Variants in SLC45A4 observed in about 807,000 individuals in gnomAD.
SLC45A4 encodes polyamine-transporter SLC45A4.
SLC45A4 carries 32 observed loss-of-function variants against 63.7 expected under a neutral mutation model. The ratio of observed to expected loss-of-function variants is 0.50; its 90% CI spans 0.38 to 0.67. SLC45A4 has a LOEUF of 0.67. SLC45A4 is among the 30% of genes least tolerant of loss of function. The pLI is 0.00. For synonymous variants in SLC45A4, 535 were observed against 510.0 expected (o/e 1.05, Z -0.66); for missense variants, 1,027 against 1,157.7 (o/e 0.89, Z 1.64).
chr8:141,222,711 A>G (rs896572659), intron 2 of SLC45A4, among the ~76,000 whole-genome samples: 12 of 152,240 alleles, frequency 7.9e-5, no homozygotes, highest in Admixed American at 7.8e-4. Context: ...GCCCACTCAC[A>G]GCGCTGAGCG....
At chr8:141,240,478 C>T (rs1404771350) in intron 2 of SLC45A4, among the ~76,000 whole-genome samples, 3 of 152,210 alleles carry the variant, frequency 2.0e-5, no homozygotes, top group Non-Finnish European at 4.4e-5. Context: ...GGTGCTCCAA[C>T]GGAGCTGAGC....
chr8:141,280,446 C>T (rs761099969), intron 1 of SLC45A4, among the ~76,000 whole-genome samples: 1 of 152,250 alleles, frequency 6.6e-6, no homozygotes, highest in Non-Finnish European at 1.5e-5. Flanking sequence ...TTCCAACTTA[C>T]TTTCTTGAAA....
intron 1 of SLC45A4, among the ~76,000 whole-genome samples, chr8:141,295,682 A>C (rs1484555970): frequency 6.6e-6 from 1 of 152,232 alleles, no homozygotes; most frequent in African/African-American, 2.4e-5. Context: ...GCACTGACTG[A>C]GGCCCCTCGA....
chr8:141,261,117 A>T (rs1829024270), intron 1 of SLC45A4, among the ~76,000 whole-genome samples: 1 of 152,204 alleles, frequency 6.6e-6, no homozygotes, highest in Non-Finnish European at 1.5e-5. Flanking sequence ...ACAACCAAAG[A>T]CAAAAACCAC....
intron 2 of SLC45A4, among the ~76,000 whole-genome samples, chr8:141,251,314 G>A (rs1295979484): frequency 6.6e-6 from 1 of 152,126 alleles, no homozygotes; most frequent in Non-Finnish European, 1.5e-5. Context: ...AACACAGCCA[G>A]GTCTCCCCTC....
intron 2 of SLC45A4, among the ~76,000 whole-genome samples, chr8:141,245,114 A>G (rs2154614529): frequency 6.6e-6 from 1 of 152,326 alleles, no homozygotes; most frequent in South Asian, 2.1e-4. Flanking sequence ...CAAGTGGAGA[A>G]AAAGATAATG....
At chr8:141,289,362 C>T (rs539943032) in intron 1 of SLC45A4, among the ~76,000 whole-genome samples, 164 of 152,320 alleles carry the variant, frequency 1.1e-3, no homozygotes, top group Admixed American at 2.0e-3. Flanking sequence ...TTCCCCTTAA[C>T]TCACTCACCC....
In SLC45A4 at chr8:141,227,893, C is replaced by T. The variant is rs909668222; in HGVS notation, c.242-6128G>A. 5.3e-5 allele frequency among the ~76,000 whole-genome samples: 8 copies of T among 152,214 alleles called. No individual in the cohort carries two copies. Among genetic ancestry groups the T allele is most frequent in the African/African-American group, 1.9e-4 (8 of 41,448 alleles). The stretch of plus-strand genomic sequence containing the variant: ...CCCACTCCAACACCCACGGCCCACC[C>T]AGCCCCTCCCGGAGTGCCAGCCATG... On this transcript the variant is annotated intron_variant, in intron 2 of 8. Coordinates refer to ENST00000517878, the MANE Select transcript of SLC45A4 (RefSeq NM_001286646.2). The surrounding 1 kb of genome is among the most constrained non-coding windows in gnomAD (Gnocchi z 4.4).
At chr8:141,281,358 G>A (rs552151688) in intron 1 of SLC45A4, among the ~76,000 whole-genome samples, 3 of 152,252 alleles carry the variant, frequency 2.0e-5, no homozygotes, top group South Asian at 2.1e-4. Context: ...AAAAACCTCC[G>A]AATCAGTCTC....
In SLC45A4 at chr8:141,278,606, C is replaced by G. The variant is rs369283951; in HGVS notation, c.-400-23977G>C. Among the ~76,000 whole-genome samples the G allele has an allele frequency of 6.2e-4, 94 of 152,246 alleles. No individual in the cohort carries two copies. The highest frequency in any genetic ancestry group is 6.0e-3 in the Admixed American group (92 of 15,288). ...CCGAAGGAGAGACAGGCCTCTGCCC[C>G]CTAGCCACCAGCAGCTGAGTGCTGA... On this transcript the variant is annotated intron_variant, in intron 1 of 8. Coordinates refer to ENST00000517878, the MANE Select transcript of SLC45A4 (RefSeq NM_001286646.2). This position sits in a 1 kb window ranked among gnomAD's most constrained non-coding sequence, Gnocchi z 4.1.
intron 2 of SLC45A4, among the ~76,000 whole-genome samples, chr8:141,235,397 T>A (rs1044518323): frequency 2.0e-5 from 3 of 152,166 alleles, no homozygotes; most frequent in African/African-American, 7.2e-5. Flanking sequence ...TGCAGTTAAA[T>A]CATGCTCGGC....
intron 2 of SLC45A4, among the ~76,000 whole-genome samples, chr8:141,248,620 CT>C: frequency 6.6e-6 from 1 of 152,060 alleles, no homozygotes; most frequent in Non-Finnish European, 1.5e-5. Flanking sequence ...AATCCTAGCA[CT>C]TTGGGAGACC....
intron 2 of SLC45A4, among the ~76,000 whole-genome samples, chr8:141,244,959 G>GA (rs1569558617): frequency 1.1e-5 from 1 of 89,272 alleles, no homozygotes; most frequent in Non-Finnish European, 2.7e-5. Flanking sequence ...GACGTGGGTG[G>GA]GGGGGGGGGG....
Position 141,212,509 on chromosome 8 carries a change from A to G in SLC45A4, c.1989T>C (p.Asp663=), listed in dbSNP as rs1825900548. Residue 663 remains aspartate, a synonymous_variant, in exon 8 of 9, where the codon GAT becomes GAC. Transcript: ENST00000517878. ...PGNSKRGFGI[D]CAILSCQVYI... is the part of the protein sequence containing the mutation. ...ACACTTGGCAGGACAGGATGGCACA[A>G]TCTATGCCAAACCCTCGCTTGGAGT... 1 of 1,613,278 alleles carries G rather than the reference A, an allele frequency of 6.2e-7. No individual in the cohort carries two copies.
At chr8:141,223,517 C>T (rs771080656) in intron 2 of SLC45A4, among the ~76,000 whole-genome samples, 2 of 152,228 alleles carry the variant, frequency 1.3e-5, no homozygotes, top group African/African-American at 2.4e-5. Flanking sequence ...CAATGTATGT[C>T]GGCAAACCCG....
chr8:141,248,817 C>T (rs1467895168), intron 2 of SLC45A4, among the ~76,000 whole-genome samples: 1 of 151,924 alleles, frequency 6.6e-6, no homozygotes, highest in East Asian at 1.9e-4. Flanking sequence ...AAGTTCGAAA[C>T]CAGCCTGGGC....
intron 1 of SLC45A4, among the ~76,000 whole-genome samples, chr8:141,284,390 C>CGGGA (rs1830066341): frequency 6.6e-6 from 1 of 152,132 alleles, no homozygotes; most frequent in Non-Finnish European, 1.5e-5. Flanking sequence ...CGCACCAGCT[C>CGGGA]GGGAGGGAGG....
At chr8:141,242,867 T>C (rs1827983766) in intron 2 of SLC45A4, among the ~76,000 whole-genome samples, 1 of 152,126 alleles carries the variant, frequency 6.6e-6, no homozygotes, top group Admixed American at 6.5e-5. Context: ...GACCTGAATG[T>C]GTATCCCAGG....
intron 1 of SLC45A4, among the ~76,000 whole-genome samples, chr8:141,255,898 T>G (rs1362936218): frequency 6.6e-6 from 1 of 151,974 alleles, no homozygotes; most frequent in Non-Finnish European, 1.5e-5. Flanking sequence ...GGGAATAAAA[T>G]GAAATTATAG....
Sources: gnomAD v4.1 joint callset for allele counts (sites outside exome capture counted in the v4.1 genomes callset) on GRCh38, gnomAD v4.1.1 for gene constraint, Gnocchi (gnomAD v3.1) non-coding constraint, MANE v1.5 for transcripts, NCBI Gene and HGNC (gene_info 2026-07-23, HGNC 2026-07-21) for gene names.